The following MGAT5 variants were observed in gnomAD, a reference collection of about 807,000 sequenced individuals.
MGAT5 encodes the protein alpha-1,6-mannosylglycoprotein 6-beta-N-acetylglucosaminyltransferase, also known as alpha-1,6-mannosylglycoprotein 6-beta-N-acetylglucosaminyltransferase A.
Under a neutral mutation model 94.3 loss-of-function variants are expected in MGAT5, and 30 were observed. The ratio of observed to expected loss-of-function variants is 0.32; its 90% CI spans 0.24 to 0.43. The LOEUF is 0.43. Among genes scored for constraint, MGAT5 ranks in the 20% least tolerant of loss-of-function variants. The pLI is 1.00. For missense variants in MGAT5, 691 were observed against 905.5 expected (o/e 0.76, Z 3.04); for synonymous variants, 310 against 322.9 (o/e 0.96, Z 0.43).
At position 134,448,674 on chromosome 2, in the gene MGAT5, G is replaced by A; in HGVS notation, c.2053G>A (p.Glu685Lys). ...GTACAAGGTGACCTGCCAAAGCTCA[G>A]AGCTGGCCAAGGACATCCTGGTGCC... ...LKYKVTCQSS[E>K]LAKDILVPSF... is the part of the protein sequence containing the mutation. Residue 685 changes from glutamate (E) to lysine (K), a missense_variant, in exon 16 of 16, where the codon GAG becomes AAG. By Grantham distance (56) the Glu-to-Lys change is moderately conservative. Coordinates refer to ENST00000281923, the MANE Select transcript of MGAT5 (RefSeq NM_002410.5). The A allele has an allele frequency of 1.2e-6, 2 of 1,614,208 alleles. No homozygotes were observed. Among genetic ancestry groups the A allele is most frequent in the Non-Finnish European group, 1.7e-6 (2 of 1,180,042 alleles).
rs148409135 is a variant in MGAT5 at position 134,182,825 on chromosome 2, C to T, written c.-143+62534C>T. Reference sequence around the variant, plus strand: ...TTTTTGAGACAGAGTCTCCCTTTGTCGCCCAGGCTAGAGTGCAGTGGCCTG... The same window carrying T: ...TTTTTGAGACAGAGTCTCCCTTTGTTGCCCAGGCTAGAGTGCAGTGGCCTG... On this transcript the variant is annotated intron_variant, in intron 1 of 16. Transcript: ENST00000409645. Among the ~76,000 whole-genome samples, 10 of 112,232 alleles carry T rather than the reference C, an allele frequency of 8.9e-5. No individual in the cohort carries two copies. In the East Asian group the frequency reaches 1.9e-3, roughly 21 times the overall value. 73.6% of individuals were successfully genotyped at this position (112,232 alleles called of 152,430 possible). A position where few individuals can be genotyped will look rare whatever the true frequency, so the allele number is the denominator to read the frequency against.
At chr2:134,383,194 C>T (rs4055616) in intron 10 of MGAT5, among the ~76,000 whole-genome samples, 148,180 of 152,292 alleles carry the variant, frequency 0.97, 72,167 homozygotes, top group East Asian at 1. Context: ...GTTCGTGATA[C>T]ATGGGTATCA....
At chr2:134,348,561 T>G (rs1679151645) in intron 8 of MGAT5, among the ~76,000 whole-genome samples, 2 of 152,200 alleles carry the variant, frequency 1.3e-5, no homozygotes, top group Non-Finnish European at 2.9e-5. Context: ...AATCATACAT[T>G]GAAGTGAAAA....
intron 2 of MGAT5, among the ~76,000 whole-genome samples, chr2:134,274,710 G>A (rs1684246902): frequency 6.6e-6 from 1 of 152,174 alleles, no homozygotes; most frequent in South Asian, 2.1e-4. Flanking sequence ...GTGTTGTGAT[G>A]ACTTAATAAT....
chr2:134,409,784 A>G (rs1683540343), intron 11 of MGAT5, among the ~76,000 whole-genome samples: 1 of 152,230 alleles, frequency 6.6e-6, no homozygotes, highest in Non-Finnish European at 1.5e-5. Context: ...CAGAGTGGGA[A>G]AAATCTGGGT....
intron 10 of MGAT5, among the ~76,000 whole-genome samples, chr2:134,398,188 G>A (rs1171366798): frequency 6.6e-6 from 1 of 152,208 alleles, no homozygotes; most frequent in African/African-American, 2.4e-5. Flanking sequence ...AAAATCTGAA[G>A]TTGAAAATTC....
At chr2:134,163,399 CAG>C (rs1468600532) in intron 1 of MGAT5, among the ~76,000 whole-genome samples, 1 of 152,004 alleles carries the variant, frequency 6.6e-6, no homozygotes, top group Non-Finnish European at 1.5e-5. Flanking sequence ...AGGATGAAAT[CAG>C]GGGAGGGGCA....
intron 2 of MGAT5, among the ~76,000 whole-genome samples, chr2:134,315,388 A>G (rs1300350080): frequency 2.0e-5 from 3 of 152,228 alleles, no homozygotes; most frequent in Non-Finnish European, 4.4e-5. Context: ...CCAAGTAAGC[A>G]TTGACAAGCA....
At chr2:134,231,236 A>G (rs1233888421) in intron 1 of MGAT5, 1 of 152,160 alleles carries the variant, frequency 6.6e-6, no homozygotes, top group Admixed American at 6.5e-5. Context: ...ATCTGTTCTG[A>G]TATTGGAAGC....
intron 4 of MGAT5, 147 bp from the exon 5 acceptor site, chr2:134,336,070 C>A: frequency 1.6e-6 from 1 of 624,494 alleles, no homozygotes; most frequent in Non-Finnish European, 2.7e-6. Context: ...GGAATACTAG[C>A]TAAAAGCATG....
At chr2:134,444,852 T>G (rs1685684831) in intron 15 of MGAT5, among the ~76,000 whole-genome samples, 1 of 152,272 alleles carries the variant, frequency 6.6e-6, no homozygotes, top group African/African-American at 2.4e-5. Flanking sequence ...AAGGGCGCAG[T>G]TAAGCACTGA....
intron 8 of MGAT5, among the ~76,000 whole-genome samples, chr2:134,348,831 TA>T (rs1573882777): frequency 6.6e-6 from 1 of 152,236 alleles, no homozygotes; most frequent in African/African-American, 2.4e-5. Flanking sequence ...AATTTTGTTT[TA>T]GGATTGATTC....
At chr2:134,288,358 G>A (rs1032152671) in intron 2 of MGAT5, among the ~76,000 whole-genome samples, 2 of 152,224 alleles carry the variant, frequency 1.3e-5, no homozygotes, top group Non-Finnish European at 2.9e-5. Context: ...ATCTAGCCCA[G>A]TCTGTAAATA....
chr2:134,359,034 G>C (rs1004071773), intron 9 of MGAT5, among the ~76,000 whole-genome samples: 2 of 152,164 alleles, frequency 1.3e-5, no homozygotes, highest in African/African-American at 2.4e-5. Context: ...GCTTAAAATA[G>C]TGTTTCTCTT....
At chr2:134,320,929 G>A (rs897110168) in intron 4 of MGAT5, among the ~76,000 whole-genome samples, 1 of 152,118 alleles carries the variant, frequency 6.6e-6, no homozygotes, top group African/African-American at 2.4e-5. Context: ...TTTTTTGGGG[G>A]AAGGGGGACA....
intron 9 of MGAT5, among the ~76,000 whole-genome samples, chr2:134,358,758 ATAT>A (rs1195560770): frequency 1.3e-5 from 2 of 152,232 alleles, no homozygotes; most frequent in Non-Finnish European, 2.9e-5. Flanking sequence ...TTAAAAGATG[ATAT>A]TATGACTGCT....
upstream of MGAT5, among the ~76,000 whole-genome samples, chr2:134,251,215 A>G (rs948446594): frequency 6.6e-6 from 1 of 151,320 alleles, no homozygotes; most frequent in African/African-American, 2.4e-5. Flanking sequence ...AAAAAAAGCC[A>G]ATTCCCTTGG....
chr2:134,168,515 A>T (rs1051576121), intron 1 of MGAT5, among the ~76,000 whole-genome samples: 2 of 152,298 alleles, frequency 1.3e-5, no homozygotes, highest in East Asian at 1.9e-4. Context: ...TCAAAGACCA[A>T]CCTAGATCTA....
intron 1 of MGAT5, among the ~76,000 whole-genome samples, chr2:134,191,891 C>T (rs1679220854): frequency 6.8e-6 from 1 of 147,976 alleles, no homozygotes; most frequent in Non-Finnish European, 1.5e-5. Context: ...GGTGAGTTCA[C>T]GCCCTCTTTC....
Sources: gnomAD v4.1 joint callset for allele counts (sites outside exome capture counted in the v4.1 genomes callset) on GRCh38, gnomAD v4.1.1 for gene constraint, MANE v1.5 for transcripts, NCBI Gene and HGNC (gene_info 2026-07-23, HGNC 2026-07-21) for gene names.